MAP3K13: variants seen among roughly 807,000 people sequenced by gnomAD.
The protein encoded by MAP3K13 is mitogen-activated protein kinase kinase kinase 13.
Under a neutral mutation model 104.0 loss-of-function variants are expected in MAP3K13, and 52 were observed. The ratio of observed to expected loss-of-function variants is 0.50; its 90% CI spans 0.40 to 0.63. The LOEUF (loss-of-function observed/expected upper bound fraction) is 0.63, where lower values mean the gene tolerates loss of function less well. Ranked by LOEUF, MAP3K13 falls within the 20% of genes least tolerant of loss-of-function variation. The pLI is 0.00. For missense variants in MAP3K13, 914 were observed against 1,218.5 expected, an observed-to-expected ratio of 0.75 and a Z score of 3.72; for synonymous variants, 394 against 442.2, an observed-to-expected ratio of 0.89 and a Z score of 1.37.
intron 2 of MAP3K13, among the ~76,000 whole-genome samples, chr3:185,358,009 T>G (rs1020739390): frequency 6.6e-6 from 1 of 152,184 alleles, no homozygotes; most frequent in South Asian, 2.1e-4. Flanking sequence ...TTCTTAAAAG[T>G]TTACAGATAT....
chr3:185,397,608 T>G (rs7651004), intron 1 of MAP3K13, among the ~76,000 whole-genome samples: 144,133 of 152,272 alleles, frequency 0.95, 68,250 homozygotes, highest in East Asian at 1. Context: ...TATTAATTGT[T>G]TACAAAGATC....
chr3:185,454,326 G>T (rs140082949), intron 7 of MAP3K13, among the ~76,000 whole-genome samples: 931 of 8,488 alleles, frequency 0.11, 329 homozygotes, highest in Non-Finnish European at 0.15. Context: ...ATATATATGA[G>T]ATATATATGA....
Position 185,428,508 on chromosome 3 carries a change from CTCTCT to C in MAP3K13, c.-72_-68del. ...CCTGTTTTTCTCAGGTTTTGGAGCCCTCTCTTAAGTCAGAACTCTGTCCCAAAAAT... is the reference window on the plus strand; with the variant it reads ...CCTGTTTTTCTCAGGTTTTGGAGCCCTAAGTCAGAACTCTGTCCCAAAAAT... On this transcript the variant is annotated 5_prime_UTR_variant, in exon 2 of 14. It removes the in-frame stop codon of an upstream open reading frame in the 5' UTR. Transcript: ENST00000265026. 1 of 1,497,928 alleles carries C rather than the reference CTCTCT, an allele frequency of 6.7e-7. No individual in the cohort carries two copies. Among genetic ancestry groups the C allele is most frequent in the Non-Finnish European group, 8.9e-7 (1 of 1,125,160 alleles). The allele number at this position is 1,497,928 out of a possible 1,614,324, so 92.8% of individuals were successfully genotyped here.
chr3:185,303,823 T>A (rs1475493123), intron 2 of MAP3K13, among the ~76,000 whole-genome samples: 1 of 151,996 alleles, frequency 6.6e-6, no homozygotes, highest in Non-Finnish European at 1.5e-5. Context: ...TTTTATTTAT[T>A]TATGTTCTAT....
In MAP3K13 at chr3:185,351,218, T is replaced by C. The variant is rs187120547; in HGVS notation, c.-86+65575T>C. The stretch of plus-strand genomic sequence containing the variant: ...TTGAAGGTGGAGGATGGGAGGAGGA[T>C]GCAGACTGAAAAACTACCTATTGGG... On this transcript the variant is annotated intron_variant, in intron 2 of 14. Coordinates refer to the MAP3K13 transcript ENST00000424227. 2.5e-3 allele frequency among the ~76,000 whole-genome samples: 377 copies of C among 152,276 alleles called. 3 individuals are homozygous for C. Among genetic ancestry groups the C allele is most frequent in the African/African-American group, 8.2e-3 (342 of 41,560 alleles).
intron 1 of MAP3K13, among the ~76,000 whole-genome samples, chr3:185,421,033 C>T (rs1454235683): frequency 6.6e-6 from 1 of 152,142 alleles, no homozygotes; most frequent in Non-Finnish European, 1.5e-5. Flanking sequence ...AAGTGTTCCT[C>T]AAGGGCAGAT....
At chr3:185,362,147 A>G (rs1723653013), upstream of MAP3K13, among the ~76,000 whole-genome samples, 1 of 152,188 alleles carries the variant, frequency 6.6e-6, no homozygotes, top group African/African-American at 2.4e-5. Flanking sequence ...ATTAACCACG[A>G]TCGTTCTAGT....
chr3:185,291,903 CAAAAAA>C (rs139816082), intron 2 of MAP3K13: 30 of 913,974 alleles, frequency 3.3e-5, no homozygotes, highest in Admixed American at 9.7e-5. Context: ...CAGTGCTTTC[CAAAAAA>C]AAAAAAAAAA....
rs1724690086 is a variant in MAP3K13 at position 185,380,950 on chromosome 3, TTTTTTTTTG to T, written c.-86+17591_-86+17599del. 5.4e-5 allele frequency among the ~76,000 whole-genome samples: 8 copies of T among 149,426 alleles called. No homozygotes were observed. In the South Asian group the frequency reaches 1.5e-3, roughly 28 times the overall value. ...TAAAAGAGGAAGAAGGTTTTTTTGTTTTTTTTTTGTTTTTTTTTGTTTTTCTTTTTGAGA... is the reference window on the plus strand; with the variant it reads ...TAAAAGAGGAAGAAGGTTTTTTTGTTTTTTTTTTTGTTTTTCTTTTTGAGA... On this transcript the variant is annotated intron_variant, in intron 1 of 13. Coordinates refer to ENST00000265026, the MANE Select transcript of MAP3K13 (RefSeq NM_004721.5).
intron 1 of MAP3K13, among the ~76,000 whole-genome samples, chr3:185,404,876 G>A (rs1042657064): frequency 2.6e-5 from 4 of 152,082 alleles, no homozygotes; most frequent in South Asian, 2.1e-4. Context: ...GCCACCGCGC[G>A]CAGCCCTATG....
At chr3:185,300,650 G>A (rs1316857378) in intron 2 of MAP3K13, among the ~76,000 whole-genome samples, 6 of 151,782 alleles carry the variant, frequency 4.0e-5, no homozygotes, top group South Asian at 2.1e-4. Flanking sequence ...CTGGCATCAC[G>A]CTGGCTAATT....
intron 1 of MAP3K13, among the ~76,000 whole-genome samples, chr3:185,395,753 CG>C (rs1185616532): frequency 6.6e-6 from 1 of 151,662 alleles, no homozygotes. Context: ...GGTGCAGTCT[CG>C]GCTTTCTGCA....
chr3:185,367,390 A>G (rs1723939413), intron 1 of MAP3K13, among the ~76,000 whole-genome samples: 1 of 152,148 alleles, frequency 6.6e-6, no homozygotes. Flanking sequence ...CAGAAGAGAG[A>G]GAGAGACTTT....
intron 10 of MAP3K13, 140 bp from the exon 11 acceptor site, chr3:185,472,835 C>G: frequency 1.3e-6 from 1 of 771,616 alleles, no homozygotes; most frequent in Non-Finnish European, 2.1e-6. Flanking sequence ...TTTTGAAGAC[C>G]CCTCATACGT....
intron 2 of MAP3K13, among the ~76,000 whole-genome samples, chr3:185,308,942 C>A (rs1323845689): frequency 1.3e-5 from 2 of 151,922 alleles, no homozygotes; most frequent in Non-Finnish European, 2.9e-5. Context: ...CTCATAAAGT[C>A]TTTTTGGGCC....
At chr3:185,455,856 G>GATATATATATGAGATATAGATGAT (rs1468069681) in intron 7 of MAP3K13, among the ~76,000 whole-genome samples, 4 of 117,544 alleles carry the variant, frequency 3.4e-5, no homozygotes, top group African/African-American at 1.4e-4. Flanking sequence ...ATATATATGA[G>GATATATATATGAGATATAGATGAT]ATATATATGA....
Position 185,423,692 on chromosome 3 carries a change from C to T in MAP3K13, c.-85-4805C>T, listed in dbSNP as rs886410690. 3.3e-5 allele frequency among the ~76,000 whole-genome samples: 5 copies of T among 152,302 alleles called. No individual in the cohort carries two copies. The highest frequency in any genetic ancestry group is 3.9e-4 in the East Asian group (2 of 5,180). ...ATTTAAGTGCCTCTTAACCTAACCCCGTCCAGTTAAAGTGATCTCTCTGGT... is the reference window on the plus strand; with the variant it reads ...ATTTAAGTGCCTCTTAACCTAACCCTGTCCAGTTAAAGTGATCTCTCTGGT... On this transcript the variant is annotated intron_variant, in intron 1 of 13. Coordinates refer to ENST00000265026, the MANE Select transcript of MAP3K13 (RefSeq NM_004721.5). This position sits in a 1 kb window ranked among gnomAD's most constrained non-coding sequence, Gnocchi z 4.1.
intron 2 of MAP3K13, among the ~76,000 whole-genome samples, chr3:185,295,034 T>C (rs1188435576): frequency 2.6e-5 from 4 of 152,216 alleles, no homozygotes; most frequent in Admixed American, 1.3e-4. Context: ...AAAAATACAA[T>C]TCTAATCTTT....
intron 2 of MAP3K13, among the ~76,000 whole-genome samples, chr3:185,308,423 C>T (rs575986904): frequency 7.4e-4 from 112 of 152,314 alleles, no homozygotes; most frequent in Admixed American, 1.2e-3. Flanking sequence ...CATTCCAAGT[C>T]AGGTAAGACA....
Sources: gnomAD v4.1 joint callset for allele counts (sites outside exome capture counted in the v4.1 genomes callset) on GRCh38, gnomAD v4.1.1 for gene constraint, Gnocchi (gnomAD v3.1) non-coding constraint, MANE v1.5 for transcripts, NCBI Gene and HGNC (gene_info 2026-07-23, HGNC 2026-07-21) for gene names.